The following STRAP variants were observed in gnomAD, a reference collection of about 807,000 sequenced individuals.
STRAP encodes serine/threonine kinase receptor associated protein, also known as serine-threonine kinase receptor-associated protein.
Under a neutral mutation model 47.0 loss-of-function variants are expected in STRAP, and 16 were observed. The observed-to-expected ratio is 0.34, with a 90% CI of 0.23 to 0.52. The LOEUF is 0.52. STRAP is among the 20% of genes least tolerant of loss of function. The pLI, the probability that STRAP is intolerant of heterozygous loss-of-function variation, is 0.96. For missense variants in STRAP, 293 were observed against 420.0 expected (o/e 0.70, Z 2.64); for synonymous variants, 130 against 142.7 (o/e 0.91, Z 0.63).
At chr12:15,895,148 T>C (rs868835497) in intron 5 of STRAP, among the ~76,000 whole-genome samples, 54 of 152,232 alleles carry the variant, frequency 3.5e-4, no homozygotes, top group African/African-American at 1.3e-3. Flanking sequence ...GGTATTAAAG[T>C]TGATTTTACT....
chr12:15,902,062 C>T (rs1028458680), intron 9 of STRAP, among the ~76,000 whole-genome samples: 8 of 151,874 alleles, frequency 5.3e-5, no homozygotes, highest in Non-Finnish European at 2.9e-5. Flanking sequence ...CTGCAGCCTC[C>T]GCCTCTGGTT....
intron 9 of STRAP, 100 bp from the exon 10 acceptor site, chr12:15,902,817 C>CT: frequency 7.3e-7 from 1 of 1,368,074 alleles, no homozygotes; most frequent in Non-Finnish European, 9.5e-7. Flanking sequence ...TTTACAAACA[C>CT]TTTTTCATTC....
In STRAP at chr12:15,887,676, T is replaced by C. The variant is rs1047653589; in HGVS notation, c.249-2252T>C. On this transcript the variant is annotated intron_variant, in intron 2 of 9. Transcript: ENST00000419869. This position sits in a 1 kb window ranked among gnomAD's most constrained non-coding sequence, Gnocchi z 5.5. ...TACTACTTTGGTCACTCCAACTCTC[T>C]TCTCACCTTTGAATAGACACAGTCT... 2.0e-5 allele frequency among the ~76,000 whole-genome samples: 3 copies of C among 152,196 alleles called. No individual in the cohort carries two copies. The highest frequency in any genetic ancestry group is 7.2e-5 in the African/African-American group (3 of 41,452).
In STRAP at chr12:15,898,080, C is replaced by CACCT. The variant is rs1948074718; in HGVS notation, c.775+63_775+66dup. The CACCT allele has an allele frequency of 6.3e-6, 9 of 1,426,834 alleles. No individual in the cohort carries two copies. In the East Asian group the frequency reaches 1.8e-4, roughly 28 times the overall value. The allele number at this position is 1,426,834 out of a possible 1,614,324, so 88.4% of individuals were successfully genotyped here. A position where few individuals can be genotyped will look rare whatever the true frequency, so the allele number is the denominator to read the frequency against. The stretch of plus-strand genomic sequence containing the variant: ...TCATATGTTAAGTCCCAGTAATTAA[C>CACCT]ACCTCATTTATATATATATATATGT... On this transcript the variant is annotated intron_variant, in intron 7 of 9. Transcript: ENST00000419869.
Position 15,887,759 on chromosome 12 carries a change from G to C in STRAP, c.249-2169G>C, listed in dbSNP as rs1317914962. Among the ~76,000 whole-genome samples the C allele has an allele frequency of 6.6e-6, 1 of 152,138 alleles. No homozygotes were observed. On this transcript the variant is annotated intron_variant, in intron 2 of 9. Transcript: ENST00000419869. The surrounding 1 kb of genome is among the most constrained non-coding windows in gnomAD (Gnocchi z 5.5). ...TTGGCGTTAGCCTGTAGCTACTTAG[G>C]AGGCTGAGGTGGAAGGATCTTGAGG...
intron 9 of STRAP, among the ~76,000 whole-genome samples, chr12:15,902,666 A>C (rs1247606061): frequency 6.6e-6 from 1 of 152,118 alleles, no homozygotes; most frequent in Non-Finnish European, 1.5e-5. Context: ...CCAGAAAGGG[A>C]CCCTTGGAGG....
At chr12:15,900,753 G>A (rs1948096341) in intron 8 of STRAP, 194 bp from the exon 9 acceptor site, 4 of 397,394 alleles carry the variant, frequency 1.0e-5, no homozygotes, top group Non-Finnish European at 1.8e-5. Flanking sequence ...AGTAGTTGCA[G>A]TATGAACCTA....
intron 2 of STRAP, among the ~76,000 whole-genome samples, chr12:15,884,729 T>A (rs1457879235): frequency 6.6e-6 from 1 of 152,124 alleles, no homozygotes; most frequent in East Asian, 1.9e-4. Flanking sequence ...GGTCTGGGGA[T>A]GGAGTACTGG....
At position 15,901,008 on chromosome 12, in the gene STRAP, G is replaced by C. The variant is rs746834109; in HGVS notation, c.987G>C (p.Glu329Asp). Reference sequence around the variant, plus strand: ...GTTTTCCAGAGACAACAGAAGAGGAGCTAGGTAAATGCTATGGAATTGACT... The same window carrying C: ...GTTTTCCAGAGACAACAGAAGAGGACCTAGGTAAATGCTATGGAATTGACT... Reference protein sequence around the residue: ...KIGFPETTEEELEEIASENSD... With the variant: ...KIGFPETTEEDLEEIASENSD... The change falls in exon 9 of 10, where the codon GAG becomes GAC. Residue 329 changes from glutamate to aspartate, a missense_variant. Glu to Asp is a conservative substitution (Grantham distance 45). Around this residue, in one of 5 missense-constraint regions of STRAP, gnomAD observed 52 missense variants for 45.0 expected, o/e 1.16. Coordinates refer to ENST00000419869, the MANE Select transcript of STRAP (RefSeq NM_007178.4). 31 of 1,592,608 alleles carry C rather than the reference G, an allele frequency of 1.9e-5. No individual in the cohort carries two copies. The highest frequency in any genetic ancestry group is 1.7e-4 in the Middle Eastern group (1 of 5,938).
rs202206982 is a variant in STRAP at position 15,894,184 on chromosome 12, G to T, written c.500+41G>T. Reference sequence around the variant, plus strand: ...TTAATAATTTACAATTTAAGGCCGGGCATGGTGGCTCACGCCTATAATCTC... The same window carrying T: ...TTAATAATTTACAATTTAAGGCCGGTCATGGTGGCTCACGCCTATAATCTC... On this transcript the variant is annotated intron_variant, in intron 5 of 9. Coordinates refer to ENST00000419869, the MANE Select transcript of STRAP (RefSeq NM_007178.4). This position sits in a 1 kb window ranked among gnomAD's most constrained non-coding sequence, Gnocchi z 4.9. 2.7e-5 allele frequency: 41 copies of T among 1,526,008 alleles called. No homozygotes were observed. The highest frequency in any genetic ancestry group is 3.4e-5 in the Non-Finnish European group (37 of 1,103,272). The allele number at this position is 1,526,008 out of a possible 1,614,324, so 94.5% of individuals were successfully genotyped here. A position where few individuals can be genotyped will look rare whatever the true frequency, so the allele number is the denominator to read the frequency against.
Position 15,894,227 on chromosome 12 carries a change from GC to G in STRAP, c.500+86del. 1.9e-6 allele frequency: 2 copies of G among 1,059,886 alleles called. No homozygotes were observed. The highest frequency in any genetic ancestry group is 2.9e-6 in the Non-Finnish European group (2 of 698,094). 65.7% of individuals were successfully genotyped at this position (1,059,886 alleles called of 1,614,324 possible). ...ATAATCTCAGCACTTTGGGAGGCGA[GC>G]CGGGTGGATCATTAGAGGTCAGGAG... On this transcript the variant is annotated intron_variant, in intron 5 of 9. Coordinates refer to ENST00000419869, the MANE Select transcript of STRAP (RefSeq NM_007178.4). This position sits in a 1 kb window ranked among gnomAD's most constrained non-coding sequence, Gnocchi z 4.9.
intron 2 of STRAP, among the ~76,000 whole-genome samples, chr12:15,884,155 T>C (rs934385588): frequency 6.6e-5 from 10 of 152,210 alleles, no homozygotes. Context: ...TTTTTAAAGG[T>C]TGAAATCTAA....
chr12:15,892,297 T>C (rs1223218899), intron 4 of STRAP, among the ~76,000 whole-genome samples: 2 of 152,156 alleles, frequency 1.3e-5, no homozygotes, highest in African/African-American at 4.8e-5. Flanking sequence ...AAGGTGGTTT[T>C]ATGGTATATA....
rs1167443390 is a variant in STRAP at position 15,894,517 on chromosome 12, C to T, written c.500+374C>T. Among the ~76,000 whole-genome samples the T allele has an allele frequency of 1.3e-5, 2 of 152,164 alleles. No homozygotes were observed. The highest frequency in any genetic ancestry group is 4.8e-5 in the African/African-American group (2 of 41,430). On this transcript the variant is annotated intron_variant, in intron 5 of 9. Coordinates refer to ENST00000419869, the MANE Select transcript of STRAP (RefSeq NM_007178.4). This position sits in a 1 kb window ranked among gnomAD's most constrained non-coding sequence, Gnocchi z 4.9. ...TACCTTAGAGCTTATATTTTAAATA[C>T]ATTTAATATTATGTGTGAAAAATGT...
chr12:15,888,400 A>C (rs1947988462), intron 2 of STRAP, among the ~76,000 whole-genome samples: 1 of 152,194 alleles, frequency 6.6e-6, no homozygotes, highest in African/African-American at 2.4e-5. Context: ...CAGAGAGAGG[A>C]GCAAGTTTCC....
intron 2 of STRAP, among the ~76,000 whole-genome samples, chr12:15,884,645 A>G (rs1266554345): frequency 2.0e-5 from 3 of 152,092 alleles, no homozygotes; most frequent in Non-Finnish European, 4.4e-5. Flanking sequence ...CTTGGCCTCC[A>G]TGCCTCAGCC....
At chr12:15,891,473 G>A (rs902101952) in intron 4 of STRAP, among the ~76,000 whole-genome samples, 3 of 152,170 alleles carry the variant, frequency 2.0e-5, no homozygotes, top group African/African-American at 7.2e-5. Context: ...CCATCCTGTG[G>A]TTATATCATA....
intron 2 of STRAP, among the ~76,000 whole-genome samples, chr12:15,889,687 C>CA (rs1040957542): frequency 1.3e-5 from 2 of 151,996 alleles, no homozygotes; most frequent in Non-Finnish European, 2.9e-5. Context: ...TTTCCACTGT[C>CA]AAAGAAAATT....
At chr12:15,884,123 C>G (rs1428803568) in intron 2 of STRAP, among the ~76,000 whole-genome samples, 1 of 152,140 alleles carries the variant, frequency 6.6e-6, no homozygotes, top group East Asian at 1.9e-4. Flanking sequence ...AAACAAAACT[C>G]AGCTGCTCGT....
Sources: gnomAD v4.1 joint callset for allele counts (sites outside exome capture counted in the v4.1 genomes callset) on GRCh38, gnomAD v4.1.1 for gene constraint, gnomAD v4.1.1 regional missense constraint, Gnocchi (gnomAD v3.1) non-coding constraint, MANE v1.5 for transcripts, NCBI Gene and HGNC (gene_info 2026-07-23, HGNC 2026-07-21) for gene names.